PPP1R9A: variants seen among roughly 807,000 people sequenced by gnomAD.
The protein encoded by PPP1R9A is protein phosphatase 1 regulatory subunit 9A, also known as neurabin-1.
PPP1R9A carries 59 observed loss-of-function variants against 141.9 expected under a neutral mutation model. That is an observed-to-expected ratio of 0.42 (90% confidence interval 0.34 to 0.52). PPP1R9A has a LOEUF of 0.52. Among genes scored for constraint, PPP1R9A ranks in the 20% least tolerant of loss-of-function variants. The pLI is 0.10. For synonymous variants in PPP1R9A, 500 were observed against 569.7 expected, an observed-to-expected ratio of 0.88 and a Z score of 1.74; for missense variants, 1,444 against 1,611.9, an observed-to-expected ratio of 0.90 and a Z score of 1.78.
chr7:95,049,827 C>G (rs1257866748), intron 2 of PPP1R9A, among the ~76,000 whole-genome samples: 3 of 152,176 alleles, frequency 2.0e-5, no homozygotes, highest in African/African-American at 7.2e-5. Flanking sequence ...TCAGTTTCCT[C>G]CCTGTCTTTT....
chr7:95,127,751 T>C (rs1191905568), intron 4 of PPP1R9A, among the ~76,000 whole-genome samples: 2 of 152,180 alleles, frequency 1.3e-5, no homozygotes, highest in African/African-American at 2.4e-5. Context: ...CTCCCACTTA[T>C]AAGTGAGAAT....
At chr7:95,243,579 T>C (rs1358279757) in intron 8 of PPP1R9A, among the ~76,000 whole-genome samples, 1 of 152,074 alleles carries the variant, frequency 6.6e-6, no homozygotes, top group African/African-American at 2.4e-5. Flanking sequence ...ACATATGGCT[T>C]GGGGTTTGGG....
At chr7:95,138,979 C>T (rs1217879175) in intron 4 of PPP1R9A, among the ~76,000 whole-genome samples, 2 of 152,074 alleles carry the variant, frequency 1.3e-5, no homozygotes, top group Non-Finnish European at 2.9e-5. Flanking sequence ...ACTTTTTGAT[C>T]CAGCAATTCC....
intron 12 of PPP1R9A, among the ~76,000 whole-genome samples, chr7:95,268,111 A>T (rs781577842): frequency 3.9e-5 from 6 of 152,166 alleles, no homozygotes; most frequent in Non-Finnish European, 7.4e-5. Flanking sequence ...TAAATTTATG[A>T]TAGTTACCTT....
chr7:94,973,202 A>G (rs951929109), intron 2 of PPP1R9A, among the ~76,000 whole-genome samples: 5 of 152,226 alleles, frequency 3.3e-5, no homozygotes, highest in African/African-American at 4.8e-5. Flanking sequence ...TATCTACCAC[A>G]TCATAAAAAT....
intron 12 of PPP1R9A, among the ~76,000 whole-genome samples, chr7:95,259,080 T>TA (rs1800038302): frequency 6.6e-6 from 1 of 152,128 alleles, no homozygotes; most frequent in Admixed American, 6.5e-5. Flanking sequence ...ACCAGCTAAC[T>TA]AAAAAACAAT....
chr7:95,255,459 C>T (rs889476273), intron 12 of PPP1R9A, among the ~76,000 whole-genome samples: 13 of 152,024 alleles, frequency 8.6e-5, no homozygotes, highest in African/African-American at 1.9e-4. Flanking sequence ...ACTATTCTAC[C>T]GTGAGAGATC....
chr7:95,032,152 G>A (rs538078522), intron 2 of PPP1R9A, among the ~76,000 whole-genome samples: 3 of 152,218 alleles, frequency 2.0e-5, no homozygotes, highest in South Asian at 2.1e-4. Context: ...TATTTCACTT[G>A]TCATGCTGGT....
intron 1 of PPP1R9A, chr7:94,908,199 C>A (rs922301176): frequency 8.7e-6 from 1 of 114,744 alleles, no homozygotes; most frequent in South Asian, 3.0e-4. Context: ...AGGAAAAAAT[C>A]GGCTTGTACA....
intron 4 of PPP1R9A, among the ~76,000 whole-genome samples, chr7:95,159,608 C>G (rs1474550901): frequency 6.6e-6 from 1 of 151,910 alleles, no homozygotes; most frequent in Non-Finnish European, 1.5e-5. Flanking sequence ...TTCAACTTTT[C>G]TGTAATGTGC....
At chr7:95,276,043 GA>G (rs1224654275) in intron 16 of PPP1R9A, among the ~76,000 whole-genome samples, 1 of 152,116 alleles carries the variant, frequency 6.6e-6, no homozygotes, top group African/African-American at 2.4e-5. Flanking sequence ...ATTAAGAATA[GA>G]AAAATAAAAT....
chr7:95,140,725 T>A (rs1272474231), intron 4 of PPP1R9A, among the ~76,000 whole-genome samples: 1 of 152,058 alleles, frequency 6.6e-6, no homozygotes, highest in Non-Finnish European at 1.5e-5. Context: ...TTATTTTTAT[T>A]TTTTTGAGAC....
chr7:94,994,655 G>C (rs1384454258), intron 2 of PPP1R9A, among the ~76,000 whole-genome samples: 3 of 152,034 alleles, frequency 2.0e-5, no homozygotes, highest in African/African-American at 7.2e-5. Flanking sequence ...CAGCACTTTG[G>C]GAGGCTGAGG....
intron 6 of PPP1R9A, among the ~76,000 whole-genome samples, chr7:95,200,655 G>A (rs957009073): frequency 5.9e-5 from 9 of 152,090 alleles, no homozygotes; most frequent in African/African-American, 1.9e-4. Flanking sequence ...ACTTAGGAAT[G>A]TATCACATCT....
At chr7:95,211,360 A>G (rs1171020839) in intron 7 of PPP1R9A, among the ~76,000 whole-genome samples, 1 of 152,138 alleles carries the variant, frequency 6.6e-6, no homozygotes, top group Non-Finnish European at 1.5e-5. Flanking sequence ...CTTCTGTTTG[A>G]TTAAAACTTT....
intron 4 of PPP1R9A, among the ~76,000 whole-genome samples, chr7:95,131,896 A>T (rs1824705677): frequency 6.6e-6 from 1 of 152,088 alleles, no homozygotes; most frequent in African/African-American, 2.4e-5. Context: ...TCTTATAGAT[A>T]TCTTTCACTT....
Position 94,911,052 on chromosome 7 carries a change from C to T in PPP1R9A, c.939C>T (p.Pro313=), listed in dbSNP as rs201438530. The T allele has an allele frequency of 9.0e-5, 146 of 1,614,110 alleles. No individual in the cohort carries two copies. The highest frequency in any genetic ancestry group is 8.5e-4 in the East Asian group (38 of 44,870). ...ACTCCACATCTAATCAACAGACTCCCGACAGCATTGACAAAGATGGTCCTG... is the reference window on the plus strand; with the variant it reads ...ACTCCACATCTAATCAACAGACTCCTGACAGCATTGACAAAGATGGTCCTG... ...PEDSTSNQQT[P]DSIDKDGPEE... Residue 313 remains proline (P), a synonymous_variant, in exon 2 of 20, where the codon CCC becomes CCT. Transcript: ENST00000433360.
At chr7:94,975,368 T>G (rs868598349) in intron 2 of PPP1R9A, among the ~76,000 whole-genome samples, 2,974 of 140,334 alleles carry the variant, frequency 0.021, 97 homozygotes, top group African/African-American at 0.065. Flanking sequence ...TTTTTTTTTT[T>G]TTTTTTTTTT....
At chr7:95,100,518 T>C (rs1158969454) in intron 2 of PPP1R9A, among the ~76,000 whole-genome samples, 1 of 152,224 alleles carries the variant, frequency 6.6e-6, no homozygotes, top group Non-Finnish European at 1.5e-5. Context: ...CTGAAGACTA[T>C]TTTGCTCACG....
Sources: allele counts gnomAD v4.1 joint callset (sites outside exome capture counted in the v4.1 genomes callset), GRCh38; gene constraint gnomAD v4.1.1; transcripts MANE v1.5; gene names NCBI Gene and HGNC (gene_info 2026-07-23, HGNC 2026-07-21).